The following VWA8 variants were observed in gnomAD, a reference collection of about 807,000 sequenced individuals.
VWA8 encodes the protein von Willebrand factor A domain containing 8.
A neutral mutation model predicts 241.5 loss-of-function variants in VWA8; 221 were observed. The observed-to-expected ratio is 0.91, with a 90% CI of 0.82 to 1.02. The LOEUF (loss-of-function observed/expected upper bound fraction) is 1.02, where lower values mean the gene tolerates loss of function less well. Among genes scored for constraint, VWA8 ranks in the 50% least tolerant of loss-of-function variants. VWA8 has a pLI of 0.00. For synonymous variants in VWA8, 852 were observed against 827.1 expected, an observed-to-expected ratio of 1.03 and a Z score of -0.52; for missense variants, 2,322 against 2,328.7, an observed-to-expected ratio of 1.00 and a Z score of 0.06.
At chr13:41,793,543 G>A (rs1788898103) in intron 17 of VWA8, among the ~76,000 whole-genome samples, 1 of 152,164 alleles carries the variant, frequency 6.6e-6, no homozygotes, top group Non-Finnish European at 1.5e-5. Context: ...GTCGGGCACG[G>A]TGGCTCACAC....
chr13:41,649,158 T>C (rs977407318), intron 37 of VWA8, among the ~76,000 whole-genome samples: 1 of 152,172 alleles, frequency 6.6e-6, no homozygotes, highest in Non-Finnish European at 1.5e-5. Flanking sequence ...CAGTCCAGCC[T>C]GGGTGATGGG....
intron 37 of VWA8, among the ~76,000 whole-genome samples, chr13:41,667,530 G>A (rs921649155): frequency 6.6e-6 from 1 of 152,290 alleles, no homozygotes; most frequent in Non-Finnish European, 1.5e-5. Context: ...AGGCTGCAGA[G>A]AGATCCTACC....
At chr13:41,712,310 C>T (rs1156572628) in intron 26 of VWA8, among the ~76,000 whole-genome samples, 1 of 152,104 alleles carries the variant, frequency 6.6e-6, no homozygotes, top group Admixed American at 6.6e-5. Flanking sequence ...CCCAAATACC[C>T]TGACTTGATC....
chr13:41,580,596 G>A (rs2044376239), intron 42 of VWA8, among the ~76,000 whole-genome samples: 1 of 152,064 alleles, frequency 6.6e-6, no homozygotes, highest in African/African-American at 2.4e-5. Flanking sequence ...AGGTGCCAAG[G>A]GTAGGAGAAG....
At chr13:41,878,694 A>G (rs779796063) in intron 9 of VWA8, among the ~76,000 whole-genome samples, 1 of 152,150 alleles carries the variant, frequency 6.6e-6, no homozygotes, top group Non-Finnish European at 1.5e-5. Context: ...TTCAAATTTG[A>G]AATCATTTCT....
intron 37 of VWA8, among the ~76,000 whole-genome samples, chr13:41,622,680 A>G (rs1566391404): frequency 1.3e-5 from 2 of 152,192 alleles, no homozygotes; most frequent in African/African-American, 4.8e-5. Flanking sequence ...GATCTTGTAA[A>G]TTACAACTCA....
At chr13:41,819,474 G>A (rs981204288) in intron 14 of VWA8, 88 bp from the exon 15 acceptor site, 8 of 1,323,278 alleles carry the variant, frequency 6.0e-6, no homozygotes, top group African/African-American at 3.0e-5. Flanking sequence ...CAACGTTAGG[G>A]CTATCATACT....
At chr13:41,625,846 T>A (rs1046748380) in intron 37 of VWA8, among the ~76,000 whole-genome samples, 4 of 151,220 alleles carry the variant, frequency 2.6e-5, no homozygotes, top group Non-Finnish European at 5.9e-5. Context: ...TGTCCAACAA[T>A]GATAGACTGG....
intron 20 of VWA8, 109 bp from the exon 21 acceptor site, chr13:41,761,313 G>T: frequency 1.9e-6 from 2 of 1,046,018 alleles, no homozygotes; most frequent in Non-Finnish European, 2.8e-6. Flanking sequence ...CCTTGTTACT[G>T]TTTTAGTTTA....
chr13:41,860,548 T>C (rs1772343155), intron 12 of VWA8, among the ~76,000 whole-genome samples: 1 of 152,296 alleles, frequency 6.6e-6, no homozygotes, highest in South Asian at 2.1e-4. Context: ...TTAACTGTAG[T>C]ATCTTCCCAC....
chr13:41,922,391 A>G (rs1242844743), intron 2 of VWA8, among the ~76,000 whole-genome samples: 1 of 152,232 alleles, frequency 6.6e-6, no homozygotes, highest in African/African-American at 2.4e-5. Context: ...CTTCATGTCT[A>G]AAACACCAAA....
At chr13:41,734,580 G>A (rs926863342) in intron 21 of VWA8, among the ~76,000 whole-genome samples, 3 of 152,172 alleles carry the variant, frequency 2.0e-5, no homozygotes, top group Admixed American at 1.3e-4. Context: ...ACAATTTGTA[G>A]ACTATTTGCC....
chr13:41,573,572 G>A (rs1210534398), intron 43 of VWA8, among the ~76,000 whole-genome samples: 1 of 126,862 alleles, frequency 7.9e-6, no homozygotes, highest in African/African-American at 3.3e-5. Flanking sequence ...GTATATATAT[G>A]TATATATATA....
chr13:41,716,638 G>A (rs2045349717), intron 26 of VWA8, among the ~76,000 whole-genome samples: 1 of 152,016 alleles, frequency 6.6e-6, no homozygotes, highest in South Asian at 2.1e-4. Context: ...TCCCCATCCT[G>A]AGTGTGGGTA....
intron 17 of VWA8, 137 bp from the exon 18 acceptor site, chr13:41,787,680 T>C: frequency 1.6e-6 from 1 of 607,496 alleles, no homozygotes; most frequent in Non-Finnish European, 2.9e-6. Context: ...AGTCTGGATC[T>C]GTAAAATCTA....
chr13:41,757,125 G>C (rs1018909825), intron 21 of VWA8, among the ~76,000 whole-genome samples: 1 of 151,380 alleles, frequency 6.6e-6, no homozygotes, highest in Non-Finnish European at 1.5e-5. Context: ...AAAACTAATT[G>C]AATAGCTTAA....
At chr13:41,744,907 G>C (rs1383144575) in intron 21 of VWA8, among the ~76,000 whole-genome samples, 1 of 151,690 alleles carries the variant, frequency 6.6e-6, no homozygotes, top group East Asian at 1.9e-4. Context: ...GCGCAATCTC[G>C]GCATACTGCA....
At chr13:41,573,143 C>T (rs369342370) in intron 43 of VWA8, among the ~76,000 whole-genome samples, 11 of 149,628 alleles carry the variant, frequency 7.4e-5, no homozygotes, top group Non-Finnish European at 1.3e-4. Context: ...AAGCCAGGCA[C>T]GGTGGCTGAC....
At chr13:41,586,773 G>C (rs767271627) in intron 42 of VWA8, among the ~76,000 whole-genome samples, 1 of 152,214 alleles carries the variant, frequency 6.6e-6, no homozygotes, top group Non-Finnish European at 1.5e-5. Context: ...TCTATGGACT[G>C]TGTGTCCTTC....
Sources: allele counts gnomAD v4.1 joint callset (sites outside exome capture counted in the v4.1 genomes callset), GRCh38; gene constraint gnomAD v4.1.1; transcripts MANE v1.5; gene names NCBI Gene and HGNC (gene_info 2026-07-23, HGNC 2026-07-21).